The following EYS variants were observed in gnomAD, a reference collection of about 807,000 sequenced individuals.
EYS encodes EGF-like photoreceptor maintenance factor, also known as protein eyes shut homolog.
Under a neutral mutation model 282.1 loss-of-function variants are expected in EYS, and 250 were observed. The ratio of observed to expected loss-of-function variants is 0.89; its 90% CI spans 0.80 to 0.98. EYS has a LOEUF of 0.98. Ranked by LOEUF, EYS falls within the 50% of genes least tolerant of loss-of-function variation. The pLI is 0.00. For synonymous variants in EYS, 1,355 were observed against 1,282.9 expected (o/e 1.06, Z -1.20); for missense variants, 4,016 against 3,709.0 (o/e 1.08, Z -2.15).
At chr6:65,280,364 T>C (rs1036811289) in intron 12 of EYS, among the ~76,000 whole-genome samples, 9 of 152,118 alleles carry the variant, frequency 5.9e-5, no homozygotes, top group Non-Finnish European at 2.9e-5. Context: ...GTATCAGACA[T>C]GTTGGGTGAA....
At chr6:63,845,465 CA>C (rs1772074281) in intron 36 of EYS, among the ~76,000 whole-genome samples, 2 of 150,536 alleles carry the variant, frequency 1.3e-5, no homozygotes, top group South Asian at 4.2e-4. Context: ...TTAAGGCATG[CA>C]GATGTTAAAG....
chr6:64,880,653 C>T (rs1766885441), intron 19 of EYS, among the ~76,000 whole-genome samples: 1 of 151,064 alleles, frequency 6.6e-6, no homozygotes, highest in African/African-American at 2.4e-5. Context: ...CATCCTGGTC[C>T]CCATAATCAT....
At chr6:65,284,659 T>C (rs931356102) in intron 12 of EYS, among the ~76,000 whole-genome samples, 7 of 151,976 alleles carry the variant, frequency 4.6e-5, no homozygotes, top group Admixed American at 3.9e-4. Context: ...GCTAAATGGT[T>C]TTAAATGTAT....
chr6:65,355,237 C>G (rs1015710036), intron 8 of EYS, among the ~76,000 whole-genome samples: 1 of 152,048 alleles, frequency 6.6e-6, no homozygotes, highest in African/African-American at 2.4e-5. Flanking sequence ...CTCTGAGTCC[C>G]CAAAGACTGC....
chr6:64,748,015 C>T lies in EYS; in HGVS notation c.3443+65363G>A, dbSNP rs529810622. Among the ~76,000 whole-genome samples, 87 of 152,128 alleles carry T rather than the reference C, an allele frequency of 5.7e-4. No individual in the cohort carries two copies. The Middle Eastern group carries it at 0.01, about 18-fold the overall frequency. On this transcript the variant is annotated intron_variant, in intron 22 of 42. Transcript: ENST00000503581. ...TATTTCCAATATCTGTCATTTATAC[C>T]AACCAAGGTAGTCCCAAATAAATGT... is the stretch of plus-strand genomic sequence containing the variant.
At chr6:65,511,952 T>C (rs2127289204) in intron 2 of EYS, among the ~76,000 whole-genome samples, 1 of 126,066 alleles carries the variant, frequency 7.9e-6, no homozygotes, top group African/African-American at 3.2e-5. Context: ...GCCACTGCAC[T>C]CCAGCCTGGG....
At chr6:65,330,134 A>G in intron 11 of EYS, 5 of 981,960 alleles carry the variant, frequency 5.1e-6, no homozygotes, top group Non-Finnish European at 4.8e-6. Context: ...TCTAAATGAA[A>G]CAGAAGAACC....
At chr6:65,206,930 GA>G (rs890690709) in intron 12 of EYS, among the ~76,000 whole-genome samples, 115 of 151,920 alleles carry the variant, frequency 7.6e-4, no homozygotes, top group Middle Eastern at 3.4e-3. Flanking sequence ...GCTCAATGGG[GA>G]AAAGTTGAAA....
chr6:65,552,962 T>C (rs1049576857), intron 2 of EYS, among the ~76,000 whole-genome samples: 1 of 152,140 alleles, frequency 6.6e-6, no homozygotes, highest in Non-Finnish European at 1.5e-5. Context: ...ATATTCACTA[T>C]CTGTTGTTTC....
intron 26 of EYS, among the ~76,000 whole-genome samples, chr6:64,486,765 G>A (rs1183396050): frequency 6.6e-6 from 1 of 151,302 alleles, no homozygotes; most frequent in Admixed American, 6.6e-5. Context: ...AATTCAGCCT[G>A]TGGCTGCCTT....
intron 15 of EYS, among the ~76,000 whole-genome samples, chr6:64,935,279 A>C (rs1374189275): frequency 6.6e-6 from 1 of 151,812 alleles, no homozygotes; most frequent in Non-Finnish European, 1.5e-5. Context: ...GCATAATAGC[A>C]GAAGTAAACT....
chr6:64,361,212 T>TG (rs1241088386), intron 29 of EYS, among the ~76,000 whole-genome samples: 2 of 11,962 alleles, frequency 1.7e-4, no homozygotes, highest in Non-Finnish European at 2.0e-4. Context: ...GAAAATATGG[T>TG]TTTTTTTTGT....
intron 29 of EYS, among the ~76,000 whole-genome samples, chr6:64,329,256 C>G (rs1770545128): frequency 1.3e-5 from 2 of 152,032 alleles, no homozygotes; most frequent in Admixed American, 1.3e-4. Context: ...AGAAAAGAGG[C>G]CTTATTTCAA....
rs569493657 is a variant in EYS at position 64,212,544 on chromosome 6, C to T, written c.6424+18048G>A. Among the ~76,000 whole-genome samples, 44 of 151,286 alleles carry T rather than the reference C, an allele frequency of 2.9e-4. No homozygotes were observed. The East Asian group carries it at 7.9e-3, about 27-fold the overall frequency. ...CACCAAATCTAGCTCACAACCTGCT[C>T]GTGTACAATTTGTGAGATGGAGTAC... On this transcript the variant is annotated intron_variant, in intron 31 of 42. Transcript: ENST00000503581.
intron 12 of EYS, among the ~76,000 whole-genome samples, chr6:65,256,017 A>T (rs563390738): frequency 1.6e-4 from 25 of 152,056 alleles, no homozygotes; most frequent in Non-Finnish European, 3.5e-4. Flanking sequence ...AAAGGAAAAA[A>T]ATCAATATAT....
At chr6:64,734,195 C>T (rs928471803) in intron 22 of EYS, among the ~76,000 whole-genome samples, 1 of 151,536 alleles carries the variant, frequency 6.6e-6, no homozygotes, top group Non-Finnish European at 1.5e-5. Context: ...ATTCTATTTT[C>T]AATAAATAAT....
At chr6:65,695,682 A>G (rs1273922896) in intron 1 of EYS, among the ~76,000 whole-genome samples, 2 of 151,962 alleles carry the variant, frequency 1.3e-5, no homozygotes, top group African/African-American at 4.8e-5. Flanking sequence ...ATCTATATGT[A>G]ACTATTTCTA....
chr6:64,194,906 T>G (rs1765235838), intron 31 of EYS, among the ~76,000 whole-genome samples: 1 of 152,190 alleles, frequency 6.6e-6, no homozygotes, highest in South Asian at 2.1e-4. Context: ...AGTTGTACAC[T>G]GGATTACTAT....
At chr6:64,943,816 G>A (rs537193135) in intron 15 of EYS, among the ~76,000 whole-genome samples, 1 of 152,074 alleles carries the variant, frequency 6.6e-6, no homozygotes, top group East Asian at 1.9e-4. Flanking sequence ...ATCAACCTAC[G>A]AATGTCATTT....
Sources: gnomAD v4.1 joint callset for allele counts (sites outside exome capture counted in the v4.1 genomes callset) on GRCh38, gnomAD v4.1.1 for gene constraint, MANE v1.5 for transcripts, NCBI Gene and HGNC (gene_info 2026-07-23, HGNC 2026-07-21) for gene names.